SH3GL2: variants seen among roughly 807,000 people sequenced by gnomAD.
SH3GL2 encodes endophilin-A1.
In SH3GL2, 24 loss-of-function variants were observed where a neutral mutation model predicts 46.0. The observed-to-expected ratio is 0.52, with a 90% CI of 0.38 to 0.73. The LOEUF is 0.73. SH3GL2 is among the 30% of genes least tolerant of loss of function. SH3GL2 has a pLI of 0.00. For synonymous variants in SH3GL2, 196 were observed against 147.1 expected (o/e 1.33, Z -2.40); for missense variants, 413 against 424.2 (o/e 0.97, Z 0.23).
At chr9:17,737,870 A>G (rs1197984187) in intron 1 of SH3GL2, among the ~76,000 whole-genome samples, 2 of 151,956 alleles carry the variant, frequency 1.3e-5, no homozygotes, top group African/African-American at 2.4e-5. Context: ...GCTTTTTGTC[A>G]TGTAGGAACT....
intron 1 of SH3GL2, among the ~76,000 whole-genome samples, chr9:17,699,530 C>CA (rs559271479): frequency 1.3e-3 from 200 of 152,318 alleles, no homozygotes; most frequent in South Asian, 3.7e-3. Flanking sequence ...TGCTTTCAAG[C>CA]AGAGAAGAGC....
chr9:17,697,054 C>G (rs990196762), intron 1 of SH3GL2, among the ~76,000 whole-genome samples: 2 of 150,372 alleles, frequency 1.3e-5, no homozygotes, highest in Admixed American at 6.7e-5. Flanking sequence ...CTGACATTTC[C>G]TCTTTAAGAA....
At position 17,656,781 on chromosome 9, in the gene SH3GL2, A is replaced by C. The variant is rs186700188; in HGVS notation, c.45+77494A>C. Among the ~76,000 whole-genome samples the C allele has an allele frequency of 6.5e-4, 98 of 151,168 alleles. 3 individuals are homozygous for C. The highest frequency in any genetic ancestry group is 2.1e-3 in the African/African-American group (86 of 41,398). On this transcript the variant is annotated intron_variant, in intron 1 of 8. Coordinates refer to ENST00000380607, the MANE Select transcript of SH3GL2 (RefSeq NM_003026.5). ...GTGAGACTACATCTCAAAAAAAAAA[A>C]AAAAAACAAAAAAGGCTTTTCTATG...
chr9:17,719,894 T>A (rs1821849816), intron 1 of SH3GL2, among the ~76,000 whole-genome samples: 1 of 151,788 alleles, frequency 6.6e-6, no homozygotes, highest in African/African-American at 2.4e-5. Flanking sequence ...GTATCACCTG[T>A]GTATATATAA....
chr9:17,755,986 C>T (rs1186279567), intron 2 of SH3GL2, among the ~76,000 whole-genome samples: 1 of 152,000 alleles, frequency 6.6e-6, no homozygotes, highest in Non-Finnish European at 1.5e-5. Context: ...GTGAAGCTAG[C>T]ACCTAGCACA....
chr9:17,696,793 T>A (rs1563816596), intron 1 of SH3GL2, among the ~76,000 whole-genome samples: 1 of 152,184 alleles, frequency 6.6e-6, no homozygotes, highest in East Asian at 1.9e-4. Context: ...ATCACATAGC[T>A]TTGGATTATC....
chr9:17,784,023 T>C (rs950000018), intron 3 of SH3GL2, among the ~76,000 whole-genome samples: 12 of 152,180 alleles, frequency 7.9e-5, no homozygotes, highest in African/African-American at 2.9e-4. Flanking sequence ...TCTGATGATA[T>C]TTTTAATAAC....
chr9:17,655,892 C>T (rs1366136923), intron 1 of SH3GL2, among the ~76,000 whole-genome samples: 4 of 152,208 alleles, frequency 2.6e-5, no homozygotes, highest in Non-Finnish European at 5.9e-5. Flanking sequence ...GTCCAGGTCA[C>T]TTTGCACAGG....
At chr9:17,710,788 C>T (rs1489726361) in intron 1 of SH3GL2, among the ~76,000 whole-genome samples, 1 of 151,934 alleles carries the variant, frequency 6.6e-6, no homozygotes, top group Non-Finnish European at 1.5e-5. Context: ...AGCCAATCCT[C>T]ATCTTTGAAG....
chr9:17,664,709 A>G (rs1322066014), intron 1 of SH3GL2, among the ~76,000 whole-genome samples: 2 of 151,422 alleles, frequency 1.3e-5, no homozygotes, highest in Non-Finnish European at 2.9e-5. Flanking sequence ...ATATAGAAAT[A>G]TATAATCATA....
chr9:17,745,482 G>A (rs1822656737), intron 1 of SH3GL2, among the ~76,000 whole-genome samples: 1 of 152,108 alleles, frequency 6.6e-6, no homozygotes, highest in Non-Finnish European at 1.5e-5. Context: ...GAATGGAGGG[G>A]TCAGTCCATG....
At chr9:17,741,979 A>C (rs1207702284) in intron 1 of SH3GL2, among the ~76,000 whole-genome samples, 1 of 152,162 alleles carries the variant, frequency 6.6e-6, no homozygotes, top group African/African-American at 2.4e-5. Flanking sequence ...AAATAGTTTC[A>C]GGTACAAAGC....
intron 1 of SH3GL2, among the ~76,000 whole-genome samples, chr9:17,660,719 G>C (rs1366980846): frequency 6.6e-6 from 1 of 151,868 alleles, no homozygotes; most frequent in East Asian, 1.9e-4. Context: ...TGATTCTCAG[G>C]GTTTCTTCCA....
At chr9:17,740,866 G>A (rs557752807) in intron 1 of SH3GL2, among the ~76,000 whole-genome samples, 1 of 152,114 alleles carries the variant, frequency 6.6e-6, no homozygotes, top group African/African-American at 2.4e-5. Context: ...AGTGTTAGAT[G>A]ATGTTGGTTT....
chr9:17,661,737 A>G (rs2117890878), intron 1 of SH3GL2, among the ~76,000 whole-genome samples: 1 of 152,302 alleles, frequency 6.6e-6, no homozygotes, highest in Non-Finnish European at 1.5e-5. Flanking sequence ...AGGCTGCTGG[A>G]TTGGAAGTTC....
chr9:17,660,777 A>G (rs769464985), intron 1 of SH3GL2, among the ~76,000 whole-genome samples: 16 of 152,192 alleles, frequency 1.1e-4, no homozygotes, highest in Non-Finnish European at 1.5e-4. Flanking sequence ...GCAAACTTCC[A>G]TGGGGTGTTT....
intron 1 of SH3GL2, among the ~76,000 whole-genome samples, chr9:17,740,229 T>C (rs7875701): frequency 0.013 from 2,007 of 152,256 alleles, 40 homozygotes; most frequent in African/African-American, 0.046. Context: ...AAAATAAATA[T>C]ATATTTTTTG....
intron 1 of SH3GL2, among the ~76,000 whole-genome samples, chr9:17,732,547 A>G (rs183298099): frequency 2.0e-4 from 30 of 152,260 alleles, no homozygotes; most frequent in African/African-American, 7.0e-4. Context: ...AGAGGCATTC[A>G]TATAAACAAC....
Position 17,700,895 on chromosome 9 carries a change from T to C in SH3GL2, c.46-46171T>C, listed in dbSNP as rs140048432. The stretch of plus-strand genomic sequence containing the variant: ...GCAATTATGTTTGCACCAACCTAAA[T>C]AGAACCATATCAGAGTAGCAGAAGA... On this transcript the variant is annotated intron_variant, in intron 1 of 8. Coordinates refer to ENST00000380607, the MANE Select transcript of SH3GL2 (RefSeq NM_003026.5). 1.5e-3 allele frequency among the ~76,000 whole-genome samples: 229 copies of C among 152,304 alleles called. 1 individual carries two copies. Among genetic ancestry groups the C allele is most frequent in the African/African-American group, 5.1e-3 (214 of 41,570 alleles).
Sources: allele counts gnomAD v4.1 joint callset (sites outside exome capture counted in the v4.1 genomes callset), GRCh38; gene constraint gnomAD v4.1.1; transcripts MANE v1.5; gene names NCBI Gene and HGNC (gene_info 2026-07-23, HGNC 2026-07-21).